The following THOC2 variants were observed in gnomAD, a reference collection of about 807,000 sequenced individuals.
THOC2 encodes THO complex subunit 2.
Under a neutral mutation model 128.4 loss-of-function variants are expected in THOC2, and 10 were observed. The observed-to-expected ratio is 0.08, with a 90% CI of 0.05 to 0.13. The LOEUF is 0.13. Ranked by LOEUF, THOC2 falls within the 10% of genes least tolerant of loss-of-function variation. The pLI, the probability that THOC2 is intolerant of heterozygous loss-of-function variation, is 1.00. For synonymous variants in THOC2, 393 were observed against 396.9 expected (o/e 0.99, Z 0.12); for missense variants, 535 against 1,155.7 (o/e 0.46, Z 7.79).
rs2049126046 is a variant in THOC2 at position 123,668,282 on chromosome X, T to C, written c.894A>G (p.Glu298=). 8.3e-7 allele frequency: 1 copy of C among 1,198,795 alleles called. No homozygotes were observed. Among genetic ancestry groups the C allele is most frequent in the African/African-American group, 1.8e-5 (1 of 57,000 alleles). ...LLPADNCIMD[E]HKREIAEAKQ... Reference sequence around the variant, plus strand: ...TAGCTTCCGCAATTTCTCGTTTGTGTTCATCCATAATGCAATTATCAGCCG... The same window carrying C: ...TAGCTTCCGCAATTTCTCGTTTGTGCTCATCCATAATGCAATTATCAGCCG... The change falls in exon 10 of 39, where the codon GAA becomes GAG. Residue 298 remains glutamate, a synonymous_variant. Coordinates refer to ENST00000245838, the MANE Select transcript of THOC2 (RefSeq NM_001081550.2).
chrX:123,626,014 T>G lies in THOC2; in HGVS notation c.2955A>C (p.Arg985=). The change falls in exon 25 of 39, where the codon CGA becomes CGC. Residue 985 remains arginine (R), a synonymous_variant. Coordinates refer to ENST00000245838, the MANE Select transcript of THOC2 (RefSeq NM_001081550.2). ...TKFLQLCIFP[R]CIFSAIDAVY... is the part of the protein sequence containing the mutation. ...CAGCATCAATTGCTGAAAAAATACA[T>G]CGAGGAAATATACACAGCTGTAGAA... 1.7e-6 allele frequency: 2 copies of G among 1,204,083 alleles called. No individual in the cohort carries two copies. Among genetic ancestry groups the G allele is most frequent in the Non-Finnish European group, 2.2e-6 (2 of 889,416 alleles).
intron 12 of THOC2, among the ~76,000 whole-genome samples, chrX:123,662,164 T>C (rs958309112): frequency 3.6e-5 from 4 of 112,268 alleles, no homozygotes; most frequent in African/African-American, 1.3e-4. Flanking sequence ...TTTGTCCTTT[T>C]TAACAATGTC....
intron 3 of THOC2, among the ~76,000 whole-genome samples, chrX:123,704,365 G>C (rs1397049513): frequency 4.5e-5 from 5 of 111,923 alleles, no homozygotes; most frequent in Non-Finnish European, 9.4e-5. Context: ...TCAGTTTCAG[G>C]AGGTACATGT....
intron 7 of THOC2, among the ~76,000 whole-genome samples, chrX:123,687,471 T>C (rs190629424): frequency 1.8e-5 from 2 of 111,741 alleles, no homozygotes; most frequent in African/African-American, 6.5e-5. Context: ...GGCTAACAAA[T>C]AAACACTGAT....
chrX:123,665,248 T>C (rs1380943153), intron 12 of THOC2, among the ~76,000 whole-genome samples: 2 of 111,867 alleles, frequency 1.8e-5, no homozygotes, highest in African/African-American at 6.5e-5. Flanking sequence ...CTTTTAAATG[T>C]TTAGATATGT....
chrX:123,613,444 T>C lies in THOC2; in HGVS notation c.4632A>G (p.Ser1544=), dbSNP rs774061229. ...TTTTATCCATCTTCTCAGATTTAAA[T>C]GAATCACTGCCTTTTTCTTTGCCTG... The part of the protein sequence containing the change: ...KSSGKEKGSD[S]FKSEKMDKIS... The change falls in exon 36 of 39, where the codon TCA becomes TCG. Residue 1544 remains serine, a synonymous_variant. Coordinates refer to ENST00000245838, the MANE Select transcript of THOC2 (RefSeq NM_001081550.2). 8.3e-7 allele frequency: 1 copy of C among 1,210,329 alleles called. No individual in the cohort carries two copies. The highest frequency in any genetic ancestry group is 1.1e-6 in the Non-Finnish European group (1 of 894,407).
chrX:123,665,887 T>C (rs756461360), intron 11 of THOC2, 50 bp from the exon 12 acceptor site: 8 of 683,646 alleles, frequency 1.2e-5, no homozygotes, highest in Non-Finnish European at 1.6e-5. Flanking sequence ...AAGTATATAA[T>C]AAATATAACT....
intron 38 of THOC2, chrX:123,602,288 T>C (rs1415109769): frequency 8.9e-6 from 1 of 112,688 alleles, no homozygotes; most frequent in Non-Finnish European, 1.9e-5. Flanking sequence ...ATACATTTAA[T>C]GTTGAACTTA....
chrX:123,642,444 A>T (rs980070901), intron 15 of THOC2, among the ~76,000 whole-genome samples: 6 of 110,578 alleles, frequency 5.4e-5, no homozygotes, highest in Non-Finnish European at 7.6e-5. Flanking sequence ...AAAAAAAAAA[A>T]AATAAGAAAT....
At chrX:123,690,756 AT>A (rs1297957626) in intron 7 of THOC2, among the ~76,000 whole-genome samples, 1 of 112,205 alleles carries the variant, frequency 8.9e-6, no homozygotes, top group Non-Finnish European at 1.9e-5. Context: ...GACAAAGAAA[AT>A]CATGTTTTTA....
At chrX:123,699,068 C>T (rs2050577784) in intron 4 of THOC2, among the ~76,000 whole-genome samples, 1 of 111,094 alleles carries the variant, frequency 9.0e-6, no homozygotes, top group Non-Finnish European at 1.9e-5. Context: ...ATGCCAAGCA[C>T]CAAAAATTTC....
chrX:123,702,857 T>G (rs1287274491), intron 4 of THOC2, among the ~76,000 whole-genome samples: 2 of 110,194 alleles, frequency 1.8e-5, no homozygotes, highest in Non-Finnish European at 3.8e-5. Context: ...GAGAAAAAAA[T>G]TATAATAAAC....
chrX:123,624,242 T>C, intron 26 of THOC2, 51 bp from the exon 27 acceptor site: 1 of 1,081,342 alleles, frequency 9.2e-7, no homozygotes, highest in South Asian at 2.3e-5. Flanking sequence ...ATCCACAAAA[T>C]AGCAGAAATT....
At chrX:123,639,075 T>G (rs777794913) in intron 16 of THOC2, 48 bp from the exon 17 acceptor site, 1 of 649,142 alleles carries the variant, frequency 1.5e-6, no homozygotes, top group South Asian at 3.4e-5. Context: ...ATCAAAGGAT[T>G]TCTACTGTGC....
chrX:123,670,857 G>A (rs941404504), intron 9 of THOC2, among the ~76,000 whole-genome samples: 10 of 111,758 alleles, frequency 8.9e-5, no homozygotes, highest in African/African-American at 2.9e-4. Context: ...CCTTCCTAGA[G>A]TATGACTGCT....
chrX:123,613,437 A>G lies in THOC2; in HGVS notation c.4639T>C (p.Ser1547Pro). Reference sequence around the variant, plus strand: ...GAGGAGATTTTATCCATCTTCTCAGATTTAAATGAATCACTGCCTTTTTCT... The same window carrying G: ...GAGGAGATTTTATCCATCTTCTCAGGTTTAAATGAATCACTGCCTTTTTCT... ...GKEKGSDSFK[S>P]EKMDKISSGG... The change falls in exon 36 of 39, where the codon TCT becomes CCT. Residue 1547 changes from serine to proline, a missense_variant. Transcript: ENST00000245838. The G allele has an allele frequency of 8.3e-7, 1 of 1,209,312 alleles. No individual in the cohort carries two copies. Among genetic ancestry groups the G allele is most frequent in the Non-Finnish European group, 1.1e-6 (1 of 894,161 alleles).
intron 12 of THOC2, among the ~76,000 whole-genome samples, chrX:123,652,972 C>A (rs1331321050): frequency 8.9e-6 from 1 of 111,766 alleles, no homozygotes. Context: ...CAAGACAATC[C>A]TAAGCAAAAA....
intron 1 of THOC2, among the ~76,000 whole-genome samples, chrX:123,720,675 A>G (rs1007644603): frequency 1.8e-5 from 2 of 111,401 alleles, no homozygotes; most frequent in African/African-American, 6.5e-5. Context: ...GTCCACCAAC[A>G]GAAGAGCAAA....
chrX:123,621,102 C>A, intron 31 of THOC2, 55 bp downstream of exon 31: 3 of 1,176,090 alleles, frequency 2.6e-6, no homozygotes, highest in Non-Finnish European at 3.4e-6. Flanking sequence ...AGACAATAAC[C>A]AACTATACAT....
Sources: gnomAD v4.1 joint callset for allele counts (sites outside exome capture counted in the v4.1 genomes callset) on GRCh38, gnomAD v4.1.1 for gene constraint, MANE v1.5 for transcripts, NCBI Gene and HGNC (gene_info 2026-07-23, HGNC 2026-07-21) for gene names.